The following COL4A5 variants were observed in gnomAD, a reference collection of about 807,000 sequenced individuals.
COL4A5 encodes the protein collagen alpha-5(IV) chain.
Under a neutral mutation model 130.2 loss-of-function variants are expected in COL4A5, and 26 were observed. That is an observed-to-expected ratio of 0.20 (90% confidence interval 0.15 to 0.28). COL4A5 has a LOEUF of 0.28. Ranked by LOEUF, COL4A5 falls within the 10% of genes least tolerant of loss-of-function variation. The pLI, the probability that COL4A5 is intolerant of heterozygous loss-of-function variation, is 1.00. For synonymous variants in COL4A5, 496 were observed against 439.6 expected, an observed-to-expected ratio of 1.13 and a Z score of -1.60; for missense variants, 1,131 against 1,344.3, an observed-to-expected ratio of 0.84 and a Z score of 2.48.
At chrX:108,480,607 G>A (rs1398136821) in intron 1 of COL4A5, among the ~76,000 whole-genome samples, 1 of 112,930 alleles carries the variant, frequency 8.9e-6, no homozygotes, top group African/African-American at 3.2e-5. Context: ...TGCTTCGGGT[G>A]GGCCTCATGC....
At chrX:108,615,926 G>T (rs1044413679) in intron 30 of COL4A5, among the ~76,000 whole-genome samples, 1 of 112,027 alleles carries the variant, frequency 8.9e-6, no homozygotes, top group African/African-American at 3.2e-5. Context: ...AATGGCAGTA[G>T]ATATTTTGTT....
At chrX:108,474,513 G>A (rs921397151) in intron 1 of COL4A5, among the ~76,000 whole-genome samples, 1 of 111,962 alleles carries the variant, frequency 8.9e-6, no homozygotes, top group East Asian at 2.8e-4. Flanking sequence ...GCACAATGAT[G>A]AAATTGCCTA....
chrX:108,445,995 A>G (rs1035642115), intron 1 of COL4A5, among the ~76,000 whole-genome samples: 2 of 111,389 alleles, frequency 1.8e-5, no homozygotes, highest in African/African-American at 6.5e-5. Context: ...TAAGAGTACA[A>G]TTTTTGAATT....
At chrX:108,606,501 T>C (rs890440684) in intron 28 of COL4A5, among the ~76,000 whole-genome samples, 1 of 108,266 alleles carries the variant, frequency 9.2e-6, no homozygotes, top group African/African-American at 3.3e-5. Context: ...CTCTCTCAGT[T>C]TTTTTTTTTT....
chrX:108,622,529 A>G (rs183304193), intron 32 of COL4A5, 147 bp from the exon 33 acceptor site: 59 of 562,386 alleles, frequency 1.0e-4, no homozygotes, highest in Non-Finnish European at 1.5e-4. Context: ...TATGCACTCA[A>G]GTAATTCATA....
At position 108,539,739 on chromosome X, in the gene COL4A5, CT is replaced by C. The variant is rs1569483067; in HGVS notation, c.82-5del. 8.3e-7 allele frequency: 1 copy of C among 1,205,051 alleles called. No individual in the cohort carries two copies. ...AATGATTTTTTCCCTCTTTCTCTTC[CT>C]TATAGGCTTGCTATGGGTGTTCTCC... is the stretch of plus-strand genomic sequence containing the variant. On this transcript the variant is annotated splice_region_variant and splice_polypyrimidine_tract_variant and intron_variant, in intron 1 of 52. Transcript: ENST00000328300.
intron 1 of COL4A5, among the ~76,000 whole-genome samples, chrX:108,452,655 T>C (rs1199013802): frequency 8.0e-5 from 9 of 112,125 alleles, no homozygotes; most frequent in Non-Finnish European, 1.5e-4. Flanking sequence ...AGAATGCTTA[T>C]GATTTTTGTA....
In COL4A5 at chrX:108,696,401, G is replaced by A; in HGVS notation, c.*23G>A. 9.0e-7 allele frequency: 1 copy of A among 1,116,169 alleles called. No individual in the cohort carries two copies. 92.0% of individuals were successfully genotyped at this position (1,116,169 alleles called of 1,213,427 possible). A position where few individuals can be genotyped will look rare whatever the true frequency, so the allele number is the denominator to read the frequency against. ...TAACATTTTGAAGAATTCCTTTTGTGTTTTAAAATGTGATATATATATATA... is the reference window on the plus strand; with the variant it reads ...TAACATTTTGAAGAATTCCTTTTGTATTTTAAAATGTGATATATATATATA... On this transcript the variant is annotated 3_prime_UTR_variant, in exon 53 of 53. Coordinates refer to ENST00000328300, the MANE Select transcript of COL4A5 (RefSeq NM_033380.3).
chrX:108,551,467 C>T (rs1019918313), intron 2 of COL4A5, among the ~76,000 whole-genome samples: 9 of 111,430 alleles, frequency 8.1e-5, no homozygotes, highest in South Asian at 3.7e-4. Flanking sequence ...CCATTGTCTC[C>T]GTTAAAATGG....
intron 37 of COL4A5, among the ~76,000 whole-genome samples, chrX:108,662,062 A>T (rs1182422898): frequency 4.8e-5 from 4 of 82,870 alleles, no homozygotes; most frequent in Non-Finnish European, 9.4e-5. Flanking sequence ...TCCTAACGCT[A>T]TCCCTCCCCC....
At chrX:108,659,056 G>T (rs751082841) in intron 37 of COL4A5, among the ~76,000 whole-genome samples, 6 of 110,996 alleles carry the variant, frequency 5.4e-5, no homozygotes, top group Non-Finnish European at 9.5e-5. Flanking sequence ...TCTAAGGAGT[G>T]CTCAAACCAT....
intron 1 of COL4A5, among the ~76,000 whole-genome samples, chrX:108,462,223 G>C (rs1207295407): frequency 9.0e-6 from 1 of 111,032 alleles, no homozygotes; most frequent in Non-Finnish European, 1.9e-5. Context: ...CTAGTGCTGA[G>C]ATTATGAGTC....
rs919113147 is a variant in COL4A5, at chrX:108,563,921, A to G, written c.271A>G (p.Ile91Val). ...TCCAGGGCCACCAGGACCAAAAGGA[A>G]TCAGAGTAAGTAGTATTTTCTCTAT... The part of the protein sequence containing the change: ...GIPGPPGPKG[I>V]RGPPGLPGFP... Residue 91 changes from isoleucine (I) to valine (V), a missense_variant, in exon 4 of 53, where the codon ATC (isoleucine) becomes GTC (valine). Physicochemically the swap from Ile to Val is conservative, Grantham distance 29 (BLOSUM62 3). Transcript: ENST00000328300. The G allele has an allele frequency of 5.0e-6, 6 of 1,196,594 alleles. No homozygotes were observed. In the African/African-American group the frequency reaches 7.0e-5, roughly 14 times the overall value.
In COL4A5 at chrX:108,687,467, A is replaced by T. The variant is rs1242586084; in HGVS notation, c.4316-15A>T. The T allele has an allele frequency of 8.4e-7, 1 of 1,195,844 alleles. No homozygotes were observed. The highest frequency in any genetic ancestry group is 1.1e-6 in the Non-Finnish European group (1 of 882,279). ...GCTTACTTAATCTTGTATACTGATTATTTCGTGGAAATAGGTACCCGTGGT... is the reference window on the plus strand; with the variant it reads ...GCTTACTTAATCTTGTATACTGATTTTTTCGTGGAAATAGGTACCCGTGGT... On this transcript the variant is annotated splice_polypyrimidine_tract_variant and intron_variant, in intron 48 of 52. Coordinates refer to ENST00000328300, the MANE Select transcript of COL4A5 (RefSeq NM_033380.3).
chrX:108,605,939 A>G (rs1182381671), intron 28 of COL4A5, among the ~76,000 whole-genome samples: 1 of 111,992 alleles, frequency 8.9e-6, no homozygotes, highest in Non-Finnish European at 1.9e-5. Context: ...CATTCCTTTT[A>G]TTATTTCTTA....
intron 2 of COL4A5, among the ~76,000 whole-genome samples, chrX:108,548,681 T>A (rs980135343): frequency 3.6e-5 from 4 of 111,242 alleles, no homozygotes; most frequent in Non-Finnish European, 7.6e-5. Flanking sequence ...AGGCCCATCA[T>A]AATGAAACTA....
intron 1 of COL4A5, among the ~76,000 whole-genome samples, chrX:108,518,867 T>C (rs1409071120): frequency 9.0e-6 from 1 of 111,191 alleles, no homozygotes. Flanking sequence ...AAGACACTTA[T>C]GACAGCGAGA....
intron 1 of COL4A5, among the ~76,000 whole-genome samples, chrX:108,534,934 C>G (rs948446347): frequency 9.1e-6 from 1 of 110,437 alleles, no homozygotes; most frequent in Admixed American, 9.7e-5. Context: ...TTCTAGAATC[C>G]CAATTTCCTT....
intron 1 of COL4A5, among the ~76,000 whole-genome samples, chrX:108,471,267 C>G (rs746255683): frequency 8.9e-5 from 10 of 112,079 alleles, no homozygotes; most frequent in Non-Finnish European, 1.9e-4. Context: ...ATTGATTCTT[C>G]TCATCTGTAA....
Sources: allele counts gnomAD v4.1 joint callset (sites outside exome capture counted in the v4.1 genomes callset), GRCh38; gene constraint gnomAD v4.1.1; transcripts MANE v1.5; gene names NCBI Gene and HGNC (gene_info 2026-07-23, HGNC 2026-07-21).